Variants in STAG1 observed in about 807,000 individuals in gnomAD.
STAG1 encodes the protein STAG1 cohesin complex component.
STAG1 carries 26 observed loss-of-function variants against 170.9 expected under a neutral mutation model. That is an observed-to-expected ratio of 0.15 (90% confidence interval 0.11 to 0.21). The LOEUF is 0.21. Ranked by LOEUF, STAG1 falls within the 10% of genes least tolerant of loss-of-function variation. The pLI is 1.00. For synonymous variants in STAG1, 514 were observed against 497.7 expected, an observed-to-expected ratio of 1.03 and a Z score of -0.44; for missense variants, 964 against 1,509.5, an observed-to-expected ratio of 0.64 and a Z score of 5.99.
intron 6 of STAG1, among the ~76,000 whole-genome samples, chr3:136,524,378 A>G (rs1204460394): frequency 3.9e-5 from 6 of 152,138 alleles, no homozygotes; most frequent in Admixed American, 1.3e-4. Flanking sequence ...GAGTTCACTC[A>G]TGATTTGGCT....
intron 14 of STAG1, among the ~76,000 whole-genome samples, chr3:136,446,416 G>GTT (rs202210426): frequency 6.7e-6 from 1 of 150,328 alleles, no homozygotes. Context: ...TCCCTTCATT[G>GTT]TTTTTTTTTA....
intron 9 of STAG1, among the ~76,000 whole-genome samples, chr3:136,478,305 T>C (rs963531066): frequency 1.3e-5 from 2 of 152,220 alleles, no homozygotes; most frequent in Admixed American, 1.3e-4. Flanking sequence ...ATTGCCTAGA[T>C]GGCTTTTCAC....
intron 6 of STAG1, among the ~76,000 whole-genome samples, chr3:136,536,895 A>G (rs1356199492): frequency 1.3e-5 from 2 of 152,172 alleles, no homozygotes; most frequent in Non-Finnish European, 2.9e-5. Context: ...TGTGAGAATT[A>G]AGTATATGTA....
intron 1 of STAG1, among the ~76,000 whole-genome samples, chr3:136,692,634 CAA>C (rs919944582): frequency 7.3e-6 from 1 of 136,196 alleles, no homozygotes. Context: ...GACTCTGTCT[CAA>C]AAAAAAAAAA....
intron 1 of STAG1, among the ~76,000 whole-genome samples, chr3:136,692,018 G>C (rs1309101381): frequency 6.6e-6 from 1 of 152,114 alleles, no homozygotes; most frequent in African/African-American, 2.4e-5. Context: ...AGAAGGCACT[G>C]CAGAAGTCAA....
intron 4 of STAG1, among the ~76,000 whole-genome samples, chr3:136,589,381 T>C (rs1938027960): frequency 6.6e-6 from 1 of 151,912 alleles, no homozygotes. Flanking sequence ...GGCGTGTGCC[T>C]GTAATCCCAG....
At chr3:136,399,717 G>C (rs1327012676) in intron 21 of STAG1, among the ~76,000 whole-genome samples, 1 of 151,826 alleles carries the variant, frequency 6.6e-6, no homozygotes, top group Non-Finnish European at 1.5e-5. Context: ...ATTTTTCTAG[G>C]GCAGAGGTTT....
At chr3:136,681,638 T>C (rs1942340400) in intron 1 of STAG1, among the ~76,000 whole-genome samples, 2 of 152,150 alleles carry the variant, frequency 1.3e-5, no homozygotes. Context: ...TGTTTCAAGA[T>C]TAAACAAAAC....
At chr3:136,627,370 C>T (rs1380964701) in intron 2 of STAG1, among the ~76,000 whole-genome samples, 1 of 152,182 alleles carries the variant, frequency 6.6e-6, no homozygotes, top group Non-Finnish European at 1.5e-5. Flanking sequence ...TAGTTTGACG[C>T]TGCCATAAAT....
intron 2 of STAG1, among the ~76,000 whole-genome samples, chr3:136,626,462 A>C (rs1189168147): frequency 6.6e-6 from 1 of 151,886 alleles, no homozygotes; most frequent in Non-Finnish European, 1.5e-5. Flanking sequence ...AAAACCATAC[A>C]GTATATATTT....
intron 16 of STAG1, among the ~76,000 whole-genome samples, chr3:136,426,405 G>A (rs761410918): frequency 1.8e-4 from 27 of 152,112 alleles, no homozygotes; most frequent in South Asian, 1.7e-3. Flanking sequence ...GCGAGACTCC[G>A]TCTCAAAAAC....
intron 1 of STAG1, among the ~76,000 whole-genome samples, chr3:136,691,855 G>A (rs570490548): frequency 6.8e-4 from 103 of 152,280 alleles, no homozygotes; most frequent in South Asian, 2.1e-3. Flanking sequence ...GACAAGTCCC[G>A]GGGAAAACTT....
chr3:136,644,806 C>T (rs763424736), intron 1 of STAG1, among the ~76,000 whole-genome samples: 5 of 152,084 alleles, frequency 3.3e-5, no homozygotes, highest in African/African-American at 4.8e-5. Context: ...CTGGAACCTC[C>T]CCTTCACCGG....
intron 27 of STAG1, among the ~76,000 whole-genome samples, chr3:136,358,267 T>C (rs1164848276): frequency 6.6e-6 from 1 of 151,954 alleles, no homozygotes; most frequent in Non-Finnish European, 1.5e-5. Flanking sequence ...GCATTTTTTG[T>C]AGAGATGGGG....
chr3:136,372,730 T>G (rs1404051200), intron 23 of STAG1, among the ~76,000 whole-genome samples: 1 of 152,218 alleles, frequency 6.6e-6, no homozygotes, highest in Non-Finnish European at 1.5e-5. Context: ...CTTTTTGATG[T>G]GCTGCTGGAT....
At chr3:136,500,022 T>C in intron 9 of STAG1, 1 of 462,758 alleles carries the variant, frequency 2.2e-6, no homozygotes, top group Non-Finnish European at 3.9e-6. Flanking sequence ...ATGTTCTGAA[T>C]TTGGAAGAGT....
chr3:136,343,681 A>G (rs17200118), intron 30 of STAG1, 151 bp downstream of exon 30: 13,175 of 486,676 alleles, frequency 0.027, 254 homozygotes, highest in Middle Eastern at 0.049. Context: ...CAGACTTTTT[A>G]TAGCTCTTCT....
At chr3:136,707,182 T>C (rs1477867997) in intron 1 of STAG1, among the ~76,000 whole-genome samples, 2 of 152,206 alleles carry the variant, frequency 1.3e-5, no homozygotes, top group Non-Finnish European at 2.9e-5. Flanking sequence ...AAAGCCCATG[T>C]ACCTAAAGAA....
At chr3:136,521,505 C>A in intron 6 of STAG1, 88 bp from the exon 7 acceptor site, 1 of 1,118,054 alleles carries the variant, frequency 8.9e-7, no homozygotes, top group South Asian at 1.5e-5. Context: ...CATAGGAACC[C>A]TTTTTTGCAA....
Sources: gnomAD v4.1 joint callset for allele counts (sites outside exome capture counted in the v4.1 genomes callset) on GRCh38, gnomAD v4.1.1 for gene constraint, MANE v1.5 for transcripts, NCBI Gene and HGNC (gene_info 2026-07-23, HGNC 2026-07-21) for gene names.